Variants in CCNY observed in about 807,000 individuals in gnomAD.
CCNY encodes the protein cyclin Y, also known as cyclin-Y.
Under a neutral mutation model 42.8 loss-of-function variants are expected in CCNY, and 19 were observed. The ratio of observed to expected loss-of-function variants is 0.44; its 90% CI spans 0.31 to 0.65. The LOEUF (loss-of-function observed/expected upper bound fraction) is 0.65. Among genes scored for constraint, CCNY ranks in the 30% least tolerant of loss-of-function variants. The pLI is 0.07. For missense variants in CCNY, 370 were observed against 437.3 expected, an observed-to-expected ratio of 0.85 and a Z score of 1.37; for synonymous variants, 165 against 162.7, an observed-to-expected ratio of 1.01 and a Z score of -0.11.
intron 7 of CCNY, among the ~76,000 whole-genome samples, chr10:35,546,168 G>A (rs1841111933): frequency 6.6e-6 from 1 of 152,078 alleles, no homozygotes; most frequent in South Asian, 2.1e-4. Flanking sequence ...GCTGAAAGAC[G>A]GCAGATTTAA....
At chr10:35,423,345 C>T (rs771581320) in intron 1 of CCNY, among the ~76,000 whole-genome samples, 3 of 151,914 alleles carry the variant, frequency 2.0e-5, no homozygotes, top group African/African-American at 4.8e-5. Flanking sequence ...CATGGTGACG[C>T]GCACCTGTAT....
intron 3 of CCNY, chr10:35,327,696 C>T (rs1436166581): frequency 6.6e-6 from 1 of 152,258 alleles, no homozygotes; most frequent in African/African-American, 2.4e-5. Flanking sequence ...TACACAGAAG[C>T]TTCCCAAGGA....
chr10:35,290,030 C>T (rs998534030), intron 3 of CCNY, among the ~76,000 whole-genome samples: 8 of 151,880 alleles, frequency 5.3e-5, no homozygotes, highest in Admixed American at 2.0e-4. Context: ...TCAAGACCAT[C>T]TTAGCTAACA....
chr10:35,390,369 T>C (rs1031961244), intron 1 of CCNY, among the ~76,000 whole-genome samples: 1 of 152,250 alleles, frequency 6.6e-6, no homozygotes, highest in African/African-American at 2.4e-5. Context: ...TTTTGCAAGA[T>C]TGGCACACAT....
At chr10:35,261,221 T>A (rs1422582030) in intron 3 of CCNY, among the ~76,000 whole-genome samples, 1 of 148,224 alleles carries the variant, frequency 6.7e-6, no homozygotes, top group Admixed American at 6.7e-5. Context: ...CAAGACCCTG[T>A]CTCTAAAAAA....
At position 35,278,566 on chromosome 10, in the gene CCNY, G is replaced by A. The variant is rs181195849; in HGVS notation, c.-9+27940G>A. Among the ~76,000 whole-genome samples the A allele has an allele frequency of 7.2e-5, 11 of 152,272 alleles. No individual in the cohort carries two copies. The East Asian group carries it at 7.7e-4, about 11-fold the overall frequency. ...GAGTGTTGCATACAGAAAGGCTGTC[G>A]AGAGGCATGTGTAGGCAGCTGAGGA... is the stretch of plus-strand genomic sequence containing the variant. On this transcript the variant is annotated intron_variant, in intron 3 of 11. Transcript: ENST00000374706.
At chr10:35,265,057 G>A (rs575855458) in intron 3 of CCNY, among the ~76,000 whole-genome samples, 3 of 152,268 alleles carry the variant, frequency 2.0e-5, no homozygotes, top group African/African-American at 7.2e-5. Context: ...CATTCTGTAG[G>A]TTATCTCTTC....
At chr10:35,356,092 T>G (rs1376635971) in intron 1 of CCNY, among the ~76,000 whole-genome samples, 2 of 152,230 alleles carry the variant, frequency 1.3e-5, no homozygotes, top group Non-Finnish European at 2.9e-5. Flanking sequence ...CATGGCACTT[T>G]AAAATGATGC....
intron 3 of CCNY, among the ~76,000 whole-genome samples, chr10:35,262,670 T>C (rs1180929755): frequency 6.6e-6 from 1 of 151,996 alleles, no homozygotes; most frequent in East Asian, 1.9e-4. Context: ...CCAGCATGAG[T>C]CAATTATAAA....
At chr10:35,416,702 A>G (rs1473971864) in intron 1 of CCNY, among the ~76,000 whole-genome samples, 2 of 152,170 alleles carry the variant, frequency 1.3e-5, no homozygotes, top group Non-Finnish European at 2.9e-5. Flanking sequence ...CTGGTTGTGA[A>G]CGTGAGCAAC....
intron 3 of CCNY, among the ~76,000 whole-genome samples, chr10:35,269,591 C>T (rs559502305): frequency 1.9e-4 from 28 of 150,830 alleles, no homozygotes; most frequent in African/African-American, 3.7e-4. Flanking sequence ...AGGCATGAGC[C>T]GCTGTGCCCA....
At chr10:35,444,147 G>A (rs1838736734) in intron 1 of CCNY, among the ~76,000 whole-genome samples, 1 of 147,142 alleles carries the variant, frequency 6.8e-6, no homozygotes, top group South Asian at 2.1e-4. Flanking sequence ...CTTTAGAGGT[G>A]ACAGCACTCA....
rs189005108 is a variant in CCNY at position 35,497,548 on chromosome 10, G to A, written c.230-3953G>A. Among the ~76,000 whole-genome samples, 489 of 152,112 alleles carry A rather than the reference G, an allele frequency of 3.2e-3. 4 individuals are homozygous for A. Among genetic ancestry groups the A allele is most frequent in the African/African-American group, 0.011 (463 of 41,484 alleles). Reference sequence around the variant, plus strand: ...AGGTGAGGAGTTCGAGACCAGCCTGGCCAACATGGCAAAACCCTGTCTCTA... The same window carrying A: ...AGGTGAGGAGTTCGAGACCAGCCTGACCAACATGGCAAAACCCTGTCTCTA... On this transcript the variant is annotated intron_variant, in intron 2 of 9. Transcript: ENST00000374704.
At position 35,438,504 on chromosome 10, in the gene CCNY, A is replaced by G. The variant is rs376327887; in HGVS notation, c.155-44900A>G. Among the ~76,000 whole-genome samples the G allele has an allele frequency of 5.9e-5, 9 of 152,228 alleles. No individual in the cohort carries two copies. The East Asian group carries it at 1.2e-3, about 20-fold the overall frequency. On this transcript the variant is annotated intron_variant, in intron 1 of 9. Coordinates refer to ENST00000374704, the MANE Select transcript of CCNY (RefSeq NM_145012.6). Reference sequence around the variant, plus strand: ...TAATATTCTGTTGTATGGCTGTATCATTGTTAAGTTAACCAGCCCTCTATT... The same window carrying G: ...TAATATTCTGTTGTATGGCTGTATCGTTGTTAAGTTAACCAGCCCTCTATT...
chr10:35,388,674 T>A (rs1380213886), intron 1 of CCNY, among the ~76,000 whole-genome samples: 1 of 152,264 alleles, frequency 6.6e-6, no homozygotes, highest in Non-Finnish European at 1.5e-5. Flanking sequence ...CATTTTCTGC[T>A]GCTGCCACAA....
intron 1 of CCNY, among the ~76,000 whole-genome samples, chr10:35,414,405 G>A (rs1335244755): frequency 6.6e-6 from 1 of 152,224 alleles, no homozygotes; most frequent in East Asian, 1.9e-4. Context: ...GTGTCCTGTG[G>A]GTTTTTCCAC....
intron 3 of CCNY, among the ~76,000 whole-genome samples, chr10:35,271,302 T>A (rs1375261339): frequency 6.6e-6 from 1 of 152,104 alleles, no homozygotes; most frequent in Non-Finnish European, 1.5e-5. Flanking sequence ...AAACTTGAAC[T>A]GCAGTGGATG....
chr10:35,563,684 T>C (rs1841509847), intron 8 of CCNY, among the ~76,000 whole-genome samples: 1 of 152,150 alleles, frequency 6.6e-6, no homozygotes, highest in Admixed American at 6.5e-5. Flanking sequence ...GTAAAAATTA[T>C]CCCAAATCAA....
intron 1 of CCNY, among the ~76,000 whole-genome samples, chr10:35,470,481 A>T (rs1213611667): frequency 6.6e-6 from 1 of 152,266 alleles, no homozygotes; most frequent in Non-Finnish European, 1.5e-5. Flanking sequence ...AGACGTGTGG[A>T]CACAGAGACA....
Sources: gnomAD v4.1 joint callset for allele counts (sites outside exome capture counted in the v4.1 genomes callset) on GRCh38, gnomAD v4.1.1 for gene constraint, MANE v1.5 for transcripts, NCBI Gene and HGNC (gene_info 2026-07-23, HGNC 2026-07-21) for gene names.